Variants in STPG2 observed in about 807,000 individuals in gnomAD.
The protein encoded by STPG2 is sperm tail PG-rich repeat containing 2.
STPG2 carries 56 observed loss-of-function variants against 54.2 expected under a neutral mutation model. The ratio of observed to expected loss-of-function variants is 1.03; its 90% CI spans 0.83 to 1.29. STPG2 has a LOEUF of 1.29. Among genes scored for constraint, STPG2 ranks in the 50% most tolerant of loss-of-function variants. The pLI, the probability that STPG2 is intolerant of heterozygous loss-of-function variation, is 0.00. For synonymous variants in STPG2, 200 were observed against 181.8 expected, an observed-to-expected ratio of 1.10 and a Z score of -0.81; for missense variants, 596 against 544.9, an observed-to-expected ratio of 1.09 and a Z score of -0.93.
intron 8 of STPG2, among the ~76,000 whole-genome samples, chr4:97,920,901 G>C (rs1732081584): frequency 6.6e-6 from 1 of 152,064 alleles, no homozygotes; most frequent in Admixed American, 6.5e-5. Flanking sequence ...ACAACGAAGA[G>C]TGGTATCTGC....
At chr4:97,866,136 G>A (rs1465925448) in intron 8 of STPG2, among the ~76,000 whole-genome samples, 2 of 151,912 alleles carry the variant, frequency 1.3e-5, no homozygotes, top group Non-Finnish European at 1.5e-5. Context: ...ATGGTTAGTG[G>A]TAAAAATATG....
At chr4:97,771,980 C>T (rs1257290765) in intron 9 of STPG2, among the ~76,000 whole-genome samples, 2 of 152,166 alleles carry the variant, frequency 1.3e-5, no homozygotes, top group Non-Finnish European at 2.9e-5. Flanking sequence ...GAATGGATGG[C>T]TGCAGATGCA....
At chr4:97,857,741 C>T (rs1729380400) in intron 8 of STPG2, among the ~76,000 whole-genome samples, 1 of 151,890 alleles carries the variant, frequency 6.6e-6, no homozygotes, top group Non-Finnish European at 1.5e-5. Flanking sequence ...TATGACCTTT[C>T]AGACAGAAAA....
intron 5 of STPG2, among the ~76,000 whole-genome samples, chr4:98,031,296 T>C (rs184446242): frequency 2.6e-5 from 4 of 152,192 alleles, no homozygotes; most frequent in East Asian, 1.9e-4. Flanking sequence ...AACTAAAAAT[T>C]CTAGAAGATA....
chr4:97,611,844 A>C (rs1159429027), intron 10 of STPG2, among the ~76,000 whole-genome samples: 1 of 151,906 alleles, frequency 6.6e-6, no homozygotes, highest in Non-Finnish European at 1.5e-5. Flanking sequence ...AAAAAAGTAT[A>C]ATATTAAAAA....
intron 9 of STPG2, among the ~76,000 whole-genome samples, chr4:97,819,007 A>G (rs1022844446): frequency 6.7e-6 from 1 of 148,648 alleles, no homozygotes; most frequent in Non-Finnish European, 1.5e-5. Context: ...AAAAGTGTCC[A>G]AAGAAACAAA....
chr4:98,134,659 C>A, intron 1 of STPG2, among the ~76,000 whole-genome samples, 200 bp from the exon 2 acceptor site: 1 of 148,830 alleles, frequency 6.7e-6, no homozygotes, highest in Admixed American at 6.7e-5. Flanking sequence ...AATATAAGAA[C>A]CTAAAGAACT....
intron 5 of STPG2, among the ~76,000 whole-genome samples, chr4:98,080,914 A>G (rs754535970): frequency 1.3e-5 from 2 of 152,138 alleles, no homozygotes; most frequent in Non-Finnish European, 2.9e-5. Flanking sequence ...TTTCCTACTA[A>G]TAATCTAACC....
chr4:97,895,419 C>T (rs778748957), intron 8 of STPG2, among the ~76,000 whole-genome samples: 2 of 151,784 alleles, frequency 1.3e-5, no homozygotes, highest in Non-Finnish European at 2.9e-5. Context: ...GGATGTATGT[C>T]GATTCTGTAT....
At chr4:97,449,383 G>A (rs975786131) in intron 4 of STPG2, among the ~76,000 whole-genome samples, 1 of 152,084 alleles carries the variant, frequency 6.6e-6, no homozygotes, top group African/African-American at 2.4e-5. Context: ...TTAACAGGCA[G>A]TAACAAGATA....
chr4:97,597,633 C>G (rs774770055), intron 10 of STPG2, among the ~76,000 whole-genome samples: 10 of 151,724 alleles, frequency 6.6e-5, no homozygotes, highest in Non-Finnish European at 1.5e-4. Flanking sequence ...AATAAAAAAC[C>G]ACATGATCAT....
intron 5 of STPG2, among the ~76,000 whole-genome samples, chr4:98,059,486 T>A (rs1737578597): frequency 6.6e-6 from 1 of 151,292 alleles, no homozygotes; most frequent in South Asian, 2.1e-4. Context: ...CAAAGAAGAG[T>A]TGGTACGATT....
intron 8 of STPG2, among the ~76,000 whole-genome samples, chr4:97,861,167 A>T (rs1016698117): frequency 6.6e-6 from 1 of 152,194 alleles, no homozygotes; most frequent in Non-Finnish European, 1.5e-5. Context: ...AATCTGATTT[A>T]AAAATGGGCA....
chr4:98,143,294 T>G lies in STPG2; in HGVS notation c.-144A>C, dbSNP rs1250656100. On this transcript the variant is annotated 5_prime_UTR_variant, in exon 1 of 11. Transcript: ENST00000295268. ...CTTCCGTAAACAGGGAAATTAGGGG[T>G]GGGGTTGTCTCCCCGCCCGCTCATT... The G allele has an allele frequency of 4.9e-6, 3 of 614,652 alleles. No homozygotes were observed. Among genetic ancestry groups the G allele is most frequent in the Non-Finnish European group, 8.6e-6 (3 of 348,902 alleles). 38.1% of individuals were successfully genotyped at this position (614,652 alleles called of 1,614,324 possible). A position where few individuals can be genotyped will look rare whatever the true frequency, so the allele number is the denominator to read the frequency against.
intron 5 of STPG2, among the ~76,000 whole-genome samples, chr4:98,089,813 A>T (rs1043446845): frequency 2.7e-5 from 4 of 150,870 alleles, no homozygotes; most frequent in African/African-American, 7.3e-5. Context: ...AGCGATGTAC[A>T]TTTTTTCATG....
chr4:97,458,516 T>A (rs949900784), intron 4 of STPG2, among the ~76,000 whole-genome samples: 1 of 152,174 alleles, frequency 6.6e-6, no homozygotes, highest in Non-Finnish European at 1.5e-5. Context: ...ATATAGTATA[T>A]ATTCATTATG....
intron 10 of STPG2, among the ~76,000 whole-genome samples, chr4:97,664,323 A>G (rs1722459035): frequency 6.6e-6 from 1 of 152,238 alleles, no homozygotes; most frequent in Non-Finnish European, 1.5e-5. Context: ...CTGATTCCAA[A>G]GCTCATGCTC....
intron 10 of STPG2, among the ~76,000 whole-genome samples, chr4:97,623,812 C>T (rs1347647341): frequency 6.6e-6 from 1 of 152,082 alleles, no homozygotes; most frequent in Non-Finnish European, 1.5e-5. Flanking sequence ...TGACAGTCCC[C>T]AGTGTGTGTT....
intron 10 of STPG2, among the ~76,000 whole-genome samples, chr4:97,637,822 T>C (rs140022669): frequency 1.3e-5 from 2 of 152,012 alleles, no homozygotes; most frequent in Admixed American, 1.3e-4. Context: ...AACTACAAAC[T>C]GCTGCTCAAG....
Sources: allele counts gnomAD v4.1 joint callset (sites outside exome capture counted in the v4.1 genomes callset), GRCh38; gene constraint gnomAD v4.1.1; transcripts MANE v1.5; gene names NCBI Gene and HGNC (gene_info 2026-07-23, HGNC 2026-07-21).